Variants in GNAQ observed in about 807,000 individuals in gnomAD.
The protein encoded by GNAQ is G protein subunit alpha q.
GNAQ carries 8 observed loss-of-function variants against 43.9 expected under a neutral mutation model. The observed-to-expected ratio is 0.18, with a 90% CI of 0.11 to 0.33. GNAQ has a LOEUF of 0.33. GNAQ is among the 10% of genes least tolerant of loss of function. GNAQ has a pLI of 1.00. For synonymous variants in GNAQ, 155 were observed against 170.7 expected (o/e 0.91, Z 0.71); for missense variants, 158 against 450.8 (o/e 0.35, Z 5.88).
Position 77,857,560 on chromosome 9 carries a change from A to G in GNAQ, c.322-41790T>C, listed in dbSNP as rs901200585. On this transcript the variant is annotated intron_variant, in intron 2 of 6. Transcript: ENST00000286548. ...AAGAAGGAAGGGAGGGAGGGAGGGAAGGAAGGAAGGAAGGAAGGGTAGAAA... is the reference window on the plus strand; with the variant it reads ...AAGAAGGAAGGGAGGGAGGGAGGGAGGGAAGGAAGGAAGGAAGGGTAGAAA... Among the ~76,000 whole-genome samples, 5 of 145,046 alleles carry G rather than the reference A, an allele frequency of 3.4e-5. No homozygotes were observed. In the East Asian group the frequency reaches 8.6e-4, roughly 25 times the overall value.
chr9:77,795,529 T>C (rs1826643551), intron 4 of GNAQ, among the ~76,000 whole-genome samples: 1 of 152,198 alleles, frequency 6.6e-6, no homozygotes. Flanking sequence ...TGTTTAAAAT[T>C]GCAGTTGCTC....
chr9:78,018,994 G>C (rs1308759103), intron 1 of GNAQ, among the ~76,000 whole-genome samples: 1 of 152,088 alleles, frequency 6.6e-6, no homozygotes, highest in Non-Finnish European at 1.5e-5. Context: ...CTCATAACAA[G>C]CATGGCCTAG....
chr9:77,815,524 T>C (rs1223646202), intron 3 of GNAQ, 92 bp downstream of exon 3: 32 of 803,286 alleles, frequency 4.0e-5, no homozygotes, highest in Non-Finnish European at 5.3e-5. Flanking sequence ...ATATGACATA[T>C]ACAGGACAGA....
At chr9:77,843,266 G>C (rs1269993991) in intron 2 of GNAQ, among the ~76,000 whole-genome samples, 1 of 152,184 alleles carries the variant, frequency 6.6e-6, no homozygotes, top group East Asian at 1.9e-4. Flanking sequence ...GGGGAAGACA[G>C]GCAGATGGGT....
chr9:77,765,425 A>G (rs1473272335), intron 5 of GNAQ, among the ~76,000 whole-genome samples: 1 of 152,214 alleles, frequency 6.6e-6, no homozygotes, highest in African/African-American at 2.4e-5. Context: ...AAGAGCAACA[A>G]CAAAAAACTA....
chr9:77,888,838 T>TC (rs1341589201), intron 2 of GNAQ, among the ~76,000 whole-genome samples: 3 of 150,430 alleles, frequency 2.0e-5, no homozygotes, highest in African/African-American at 7.5e-5. Context: ...CCCTTGAGTG[T>TC]CTGACGCATC....
intron 1 of GNAQ, 103 bp downstream of exon 1, chr9:78,030,997 C>T: frequency 1.1e-6 from 1 of 885,174 alleles, no homozygotes; most frequent in East Asian, 3.5e-5. Flanking sequence ...AGGGGCGAAC[C>T]GCGGGCGCCG....
At chr9:77,904,105 T>C (rs1039675286) in intron 2 of GNAQ, among the ~76,000 whole-genome samples, 99 of 152,256 alleles carry the variant, frequency 6.5e-4, no homozygotes, top group African/African-American at 1.9e-3. Context: ...CCCAGCCCTT[T>C]TGCCTGGTAG....
intron 2 of GNAQ, among the ~76,000 whole-genome samples, chr9:77,897,662 T>C (rs1424885536): frequency 6.6e-6 from 1 of 152,034 alleles, no homozygotes; most frequent in African/African-American, 2.4e-5. Flanking sequence ...ATTAAGACTG[T>C]CTCCTTCTTA....
intron 2 of GNAQ, among the ~76,000 whole-genome samples, chr9:77,900,878 T>G (rs779029570): frequency 3.3e-5 from 5 of 152,190 alleles, no homozygotes; most frequent in Non-Finnish European, 7.3e-5. Context: ...CCCAACAGTT[T>G]CAAAGCAATG....
At chr9:77,793,874 G>A (rs899211744) in intron 5 of GNAQ, among the ~76,000 whole-genome samples, 2 of 152,120 alleles carry the variant, frequency 1.3e-5, no homozygotes, top group Non-Finnish European at 2.9e-5. Context: ...TTGTTCTCCA[G>A]ACAGGCATAT....
intron 2 of GNAQ, among the ~76,000 whole-genome samples, chr9:77,884,712 T>C (rs949369806): frequency 1.3e-5 from 2 of 152,136 alleles, no homozygotes; most frequent in African/African-American, 4.8e-5. Context: ...TCGGGAAGCA[T>C]AGTTTGCATC....
chr9:77,995,998 G>T (rs1234006073), intron 1 of GNAQ, among the ~76,000 whole-genome samples: 2 of 152,168 alleles, frequency 1.3e-5, no homozygotes, highest in African/African-American at 4.8e-5. Context: ...ACTGCGTATA[G>T]AAAGAACTTA....
intron 1 of GNAQ, among the ~76,000 whole-genome samples, chr9:77,990,666 C>T (rs1823496975): frequency 6.6e-6 from 1 of 152,190 alleles, no homozygotes. Context: ...TATACAAGCA[C>T]ACATGTATGT....
At position 77,821,724 on chromosome 9, in the gene GNAQ, G is replaced by GGTGTGTGTGT. The variant is rs1554718670; in HGVS notation, c.322-5964_322-5955dup. The stretch of plus-strand genomic sequence containing the variant: ...TATGATGTTGTACTATCCTAGTATG[G>GGTGTGTGTGT]GTGTGTGTGTGTGTGTGTGTGTGTG... On this transcript the variant is annotated intron_variant, in intron 2 of 6. Coordinates refer to ENST00000286548, the MANE Select transcript of GNAQ (RefSeq NM_002072.5). Among the ~76,000 whole-genome samples the GGTGTGTGTGT allele has an allele frequency of 4.8e-3, 682 of 142,384 alleles. 1 individual carries two copies. Among genetic ancestry groups the GGTGTGTGTGT allele is most frequent in the African/African-American group, 0.017 (634 of 37,804 alleles). 93.4% of individuals were successfully genotyped at this position (142,384 alleles called of 152,430 possible).
chr9:77,890,973 TAGG>T (rs962108520), intron 2 of GNAQ, among the ~76,000 whole-genome samples: 13 of 152,146 alleles, frequency 8.5e-5, no homozygotes, highest in Admixed American at 7.9e-4. Flanking sequence ...CCTGGAGGAG[TAGG>T]AGAAGGAAGA....
intron 5 of GNAQ, among the ~76,000 whole-genome samples, chr9:77,757,994 A>G (rs553145541): frequency 8.9e-4 from 135 of 152,242 alleles, no homozygotes; most frequent in Non-Finnish European, 1.5e-3. Context: ...TAACAGGTAC[A>G]TCAGTCATCC....
chr9:77,850,598 G>A (rs1388543288), intron 2 of GNAQ, among the ~76,000 whole-genome samples: 3 of 152,144 alleles, frequency 2.0e-5, no homozygotes, highest in African/African-American at 7.2e-5. Context: ...ACAGGACAAA[G>A]CATTTCTGAT....
At chr9:77,905,890 T>C (rs560794010) in intron 2 of GNAQ, among the ~76,000 whole-genome samples, 9 of 151,974 alleles carry the variant, frequency 5.9e-5, no homozygotes, top group African/African-American at 2.2e-4. Flanking sequence ...TGAGAACACA[T>C]GGACACAGGA....
Sources: allele counts gnomAD v4.1 joint callset (sites outside exome capture counted in the v4.1 genomes callset), GRCh38; gene constraint gnomAD v4.1.1; transcripts MANE v1.5; gene names NCBI Gene and HGNC (gene_info 2026-07-23, HGNC 2026-07-21).